GABRA3: variants seen among roughly 807,000 people sequenced by gnomAD.
GABRA3 encodes the protein gamma-aminobutyric acid type A receptor subunit alpha3, also known as gamma-aminobutyric acid receptor subunit alpha-3.
In GABRA3, 10 loss-of-function variants were observed where a neutral mutation model predicts 30.1. That is an observed-to-expected ratio of 0.33 (90% CI 0.20 to 0.56). The LOEUF is 0.56. GABRA3 is among the 20% of genes least tolerant of loss of function. The pLI is 0.89. For synonymous variants in GABRA3, 151 were observed against 146.8 expected, an observed-to-expected ratio of 1.03 and a Z score of -0.21; for missense variants, 233 against 392.0, an observed-to-expected ratio of 0.59 and a Z score of 3.42.
intron 7 of GABRA3, among the ~76,000 whole-genome samples, chrX:152,205,999 T>C (rs1353112650): frequency 8.9e-6 from 1 of 112,967 alleles, no homozygotes; most frequent in East Asian, 2.8e-4. Flanking sequence ...ACGTGTATCT[T>C]CTGTGTGCTA....
At chrX:152,294,267 CA>C (rs1042675236) in intron 3 of GABRA3, among the ~76,000 whole-genome samples, 1 of 111,584 alleles carries the variant, frequency 9.0e-6, no homozygotes, top group Non-Finnish European at 1.9e-5. Flanking sequence ...GTACACCAAT[CA>C]GACGTAGATT....
chrX:152,180,366 C>T (rs760659786), intron 9 of GABRA3, among the ~76,000 whole-genome samples: 1 of 112,051 alleles, frequency 8.9e-6, no homozygotes, highest in African/African-American at 3.2e-5. Flanking sequence ...AATGCCTATT[C>T]AAGTCCTTTG....
intron 2 of GABRA3, among the ~76,000 whole-genome samples, chrX:152,357,852 A>C (rs1030428977): frequency 9.0e-6 from 1 of 111,201 alleles, no homozygotes; most frequent in Non-Finnish European, 1.9e-5. Flanking sequence ...GTGAAAGATC[A>C]GATGTTTGTA....
intron 5 of GABRA3, among the ~76,000 whole-genome samples, chrX:152,227,544 T>C (rs985060163): frequency 9.4e-6 from 1 of 106,126 alleles, no homozygotes; most frequent in African/African-American, 3.4e-5. Context: ...ATAATAAATA[T>C]ATATATATAT....
chrX:152,403,661 C>T (rs1162861990), intron 1 of GABRA3, among the ~76,000 whole-genome samples: 5 of 109,799 alleles, frequency 4.6e-5, no homozygotes, highest in Non-Finnish European at 7.6e-5. Context: ...AGAAAACTTG[C>T]TGAGGTGAGC....
At chrX:152,252,933 A>G (rs1216183133) in intron 5 of GABRA3, among the ~76,000 whole-genome samples, 1 of 111,748 alleles carries the variant, frequency 8.9e-6, no homozygotes, top group Non-Finnish European at 1.9e-5. Context: ...GACACATACT[A>G]TTTACACTCA....
At chrX:152,346,942 A>G (rs1048535929) in intron 2 of GABRA3, among the ~76,000 whole-genome samples, 7 of 111,796 alleles carry the variant, frequency 6.3e-5, no homozygotes, top group Non-Finnish European at 1.3e-4. Context: ...TGGTTCCTCA[A>G]AATATTAAAA....
At chrX:152,385,682 A>C in intron 1 of GABRA3, among the ~76,000 whole-genome samples, 1 of 111,403 alleles carries the variant, frequency 9.0e-6, no homozygotes, top group African/African-American at 3.3e-5. Flanking sequence ...CTATGTCCTG[A>C]ATGGTAATGC....
At chrX:152,174,781 A>T (rs1180004994) in intron 9 of GABRA3, among the ~76,000 whole-genome samples, 1 of 111,733 alleles carries the variant, frequency 8.9e-6, no homozygotes, top group African/African-American at 3.3e-5. Flanking sequence ...GCTGTGCAGA[A>T]GCTCTTTAGT....
At chrX:152,366,143 C>T (rs1386204832) in intron 1 of GABRA3, among the ~76,000 whole-genome samples, 4 of 111,561 alleles carry the variant, frequency 3.6e-5, no homozygotes, top group African/African-American at 1.3e-4. Flanking sequence ...GCATAAGTAA[C>T]TTCCATGGTA....
chrX:152,234,472 T>G, intron 5 of GABRA3, among the ~76,000 whole-genome samples: 1 of 111,366 alleles, frequency 9.0e-6, no homozygotes, highest in East Asian at 2.9e-4. Context: ...TATTTTTCAT[T>G]TAATTAAGTC....
At chrX:152,304,970 A>T (rs997387662) in intron 3 of GABRA3, among the ~76,000 whole-genome samples, 1 of 111,757 alleles carries the variant, frequency 8.9e-6, no homozygotes, top group Non-Finnish European at 1.9e-5. Context: ...TATTTGTATC[A>T]TCTCTGATTT....
intron 6 of GABRA3, among the ~76,000 whole-genome samples, chrX:152,219,637 C>T (rs1195588209): frequency 9.0e-6 from 1 of 111,280 alleles, no homozygotes; most frequent in Non-Finnish European, 1.9e-5. Flanking sequence ...GGTGTCAGGA[C>T]AGAAGTACAT....
chrX:152,273,129 G>T (rs1462849855), intron 4 of GABRA3, among the ~76,000 whole-genome samples: 1 of 111,636 alleles, frequency 9.0e-6, no homozygotes, highest in Non-Finnish European at 1.9e-5. Context: ...ATGGGCAAAA[G>T]ATCTGAATAG....
At chrX:152,392,367 A>T (rs1482495420) in intron 1 of GABRA3, 2 of 354,934 alleles carry the variant, frequency 5.6e-6, no homozygotes, top group African/African-American at 5.2e-5. Flanking sequence ...AGAAGGAGGC[A>T]AACACACTGT....
At chrX:152,384,480 T>G (rs1337854514) in intron 1 of GABRA3, among the ~76,000 whole-genome samples, 1 of 111,986 alleles carries the variant, frequency 8.9e-6, no homozygotes, top group East Asian at 2.8e-4. Flanking sequence ...AGACAATTGA[T>G]TTGTGACTAA....
intron 3 of GABRA3, among the ~76,000 whole-genome samples, chrX:152,330,853 AAAAG>A (rs745518036): frequency 8.0e-4 from 90 of 111,967 alleles, no homozygotes; most frequent in South Asian, 1.5e-3. Flanking sequence ...GTATAATAAA[AAAAG>A]AAAACTGTTT....
intron 5 of GABRA3, among the ~76,000 whole-genome samples, chrX:152,255,271 T>TA (rs968004292): frequency 5.4e-5 from 6 of 111,857 alleles, no homozygotes; most frequent in South Asian, 3.7e-4. Context: ...TTCAAATAAA[T>TA]AAAAAATTAA....
intron 6 of GABRA3, among the ~76,000 whole-genome samples, chrX:152,219,318 G>A (rs781331893): frequency 2.7e-5 from 3 of 110,631 alleles, no homozygotes; most frequent in Non-Finnish European, 5.7e-5. Context: ...GCACCCAGGA[G>A]TATCATTTGC....
Sources: allele counts gnomAD v4.1 joint callset (sites outside exome capture counted in the v4.1 genomes callset), GRCh38; gene constraint gnomAD v4.1.1; transcripts MANE v1.5; gene names NCBI Gene and HGNC (gene_info 2026-07-23, HGNC 2026-07-21).